The following SCHIP1 variants were observed in gnomAD, a reference collection of about 807,000 sequenced individuals.
The protein encoded by SCHIP1 is schwannomin-interacting protein 1.
A neutral mutation model predicts 29.7 loss-of-function variants in SCHIP1; 8 were observed. The ratio of observed to expected loss-of-function variants is 0.27; its 90% CI spans 0.16 to 0.49. The LOEUF is 0.49. SCHIP1 is among the 20% of genes least tolerant of loss of function. The probability of loss-of-function intolerance (pLI) is 0.99; values close to 1 mark genes in which losing one functional copy is unlikely to be tolerated. For missense variants in SCHIP1, 193 were observed against 294.6 expected, an observed-to-expected ratio of 0.66 and a Z score of 2.52; for synonymous variants, 76 against 94.9, an observed-to-expected ratio of 0.80 and a Z score of 1.16.
chr3:159,424,168 C>T, the SCHIP1 span, among the ~76,000 whole-genome samples: 1 of 151,958 alleles, frequency 6.6e-6, no homozygotes, highest in Non-Finnish European at 1.5e-5. Context: ...AGTTCCTCAC[C>T]AGCAATGGAA....
At chr3:159,684,292 G>T in the SCHIP1 span, among the ~76,000 whole-genome samples, 3 of 152,124 alleles carry the variant, frequency 2.0e-5, no homozygotes, top group Non-Finnish European at 2.9e-5. Flanking sequence ...TGTTCACTCT[G>T]CCCTGCCTTG....
the SCHIP1 span, among the ~76,000 whole-genome samples, chr3:159,427,740 A>T: frequency 1.3e-5 from 2 of 152,184 alleles, no homozygotes; most frequent in Non-Finnish European, 2.9e-5. Context: ...TCACCGAGTC[A>T]ATCCTAAGCC....
At chr3:159,694,440 AACTGTGAGACGGAGGTT>A in the SCHIP1 span, among the ~76,000 whole-genome samples, 128 of 152,138 alleles carry the variant, frequency 8.4e-4, no homozygotes, top group Non-Finnish European at 1.4e-3. Flanking sequence ...GAATCACTTC[AACTGTGAGACGGAGGTT>A]ACAGTGAGCC....
the SCHIP1 span, among the ~76,000 whole-genome samples, chr3:159,719,727 A>G: frequency 3.3e-5 from 5 of 152,378 alleles, no homozygotes; most frequent in South Asian, 1.0e-3. Context: ...TTAAAAAGTT[A>G]GGAAACAATA....
chr3:159,634,468 A>T, the SCHIP1 span, among the ~76,000 whole-genome samples: 1 of 152,238 alleles, frequency 6.6e-6, no homozygotes, highest in Non-Finnish European at 1.5e-5. Flanking sequence ...AATGCTGAAC[A>T]GTTAGAGGCC....
chr3:159,634,429 G>GT, the SCHIP1 span, among the ~76,000 whole-genome samples: 18 of 152,166 alleles, frequency 1.2e-4, no homozygotes, highest in African/African-American at 4.3e-4. Flanking sequence ...AAGAATTCAA[G>GT]TTTTTCCAGC....
the SCHIP1 span, among the ~76,000 whole-genome samples, chr3:159,374,048 T>A: frequency 2.0e-5 from 3 of 152,210 alleles, no homozygotes; most frequent in African/African-American, 4.8e-5. Context: ...GAAATATTTT[T>A]AAATTTTGTT....
the SCHIP1 span, among the ~76,000 whole-genome samples, chr3:159,557,408 G>T: frequency 6.6e-6 from 1 of 152,122 alleles, no homozygotes; most frequent in Non-Finnish European, 1.5e-5. Flanking sequence ...GATCCTATTT[G>T]TTGGCCTTAT....
At chr3:159,740,067 C>T in the SCHIP1 span, among the ~76,000 whole-genome samples, 1 of 152,250 alleles carries the variant, frequency 6.6e-6, no homozygotes, top group African/African-American at 2.4e-5. Flanking sequence ...CGTCTCTCCT[C>T]ATAGCCAACT....
At chr3:159,460,774 A>G in the SCHIP1 span, among the ~76,000 whole-genome samples, 1 of 152,132 alleles carries the variant, frequency 6.6e-6, no homozygotes, top group Admixed American at 6.6e-5. Flanking sequence ...TGTTGGGGGA[A>G]TTATGAGCAA....
the SCHIP1 span, among the ~76,000 whole-genome samples, chr3:159,613,260 G>A: frequency 1.3e-5 from 2 of 152,106 alleles, no homozygotes; most frequent in African/African-American, 4.8e-5. Context: ...TGAGTCTGAG[G>A]TTTAAGTCCT....
At chr3:159,574,521 G>C in the SCHIP1 span, among the ~76,000 whole-genome samples, 2 of 152,340 alleles carry the variant, frequency 1.3e-5, no homozygotes, top group South Asian at 4.1e-4. Flanking sequence ...TGAGTTGTCT[G>C]TCAGCCCCTA....
At chr3:159,473,674 G>GAAAAAAAAAAAAAAAAAAAGAAAAAAA in the SCHIP1 span, among the ~76,000 whole-genome samples, 3 of 81,444 alleles carry the variant, frequency 3.7e-5, no homozygotes, top group East Asian at 3.3e-4. Context: ...ATGTAACTAC[G>GAAAAAAAAAAAAAAAAAAAGAAAAAAA]AAAAAAAAAA....
At chr3:159,554,644 A>G in the SCHIP1 span, among the ~76,000 whole-genome samples, 1 of 152,116 alleles carries the variant, frequency 6.6e-6, no homozygotes, top group Non-Finnish European at 1.5e-5. Flanking sequence ...AGCTTTCTCC[A>G]GGTAGATTCA....
chr3:159,572,891 G>T, the SCHIP1 span, among the ~76,000 whole-genome samples: 2 of 150,018 alleles, frequency 1.3e-5, 1 homozygote, highest in Middle Eastern at 6.9e-3. Flanking sequence ...GATCTTTGTT[G>T]GTTTAAAGTG....
the SCHIP1 span, among the ~76,000 whole-genome samples, chr3:159,388,138 A>G: frequency 6.6e-6 from 1 of 152,200 alleles, no homozygotes; most frequent in Non-Finnish European, 1.5e-5. Flanking sequence ...TGGAATAAAT[A>G]TTGGAAAGAA....
chr3:159,341,488 A>G, the SCHIP1 span, among the ~76,000 whole-genome samples: 43 of 152,300 alleles, frequency 2.8e-4, no homozygotes. Context: ...TGGCAGGTAG[A>G]TGCATGGTCA....
the SCHIP1 span, among the ~76,000 whole-genome samples, chr3:159,742,038 T>C: frequency 6.6e-6 from 1 of 152,122 alleles, no homozygotes; most frequent in African/African-American, 2.4e-5. Context: ...AAGACCAGCT[T>C]GGCCAACATG....
At chr3:159,608,233 T>C in the SCHIP1 span, among the ~76,000 whole-genome samples, 3 of 152,170 alleles carry the variant, frequency 2.0e-5, no homozygotes, top group East Asian at 3.9e-4. Flanking sequence ...CTTTATGGAA[T>C]TAAAGTAAAA....
Sources: gnomAD v4.1 joint callset for allele counts (sites outside exome capture counted in the v4.1 genomes callset) on GRCh38, gnomAD v4.1.1 for gene constraint, MANE v1.5 for transcripts, NCBI Gene and HGNC (gene_info 2026-07-23, HGNC 2026-07-21) for gene names.